SCAI: variants seen among roughly 807,000 people sequenced by gnomAD.
SCAI encodes the protein protein SCAI.
A neutral mutation model predicts 92.2 loss-of-function variants in SCAI; 24 were observed. That is an observed-to-expected ratio of 0.26 (90% CI 0.19 to 0.37). SCAI has a LOEUF of 0.37. SCAI is among the 10% of genes least tolerant of loss of function. The pLI is 1.00. For synonymous variants in SCAI, 261 were observed against 258.6 expected, an observed-to-expected ratio of 1.01 and a Z score of -0.09; for missense variants, 450 against 736.2, an observed-to-expected ratio of 0.61 and a Z score of 4.50.
intron 17 of SCAI, among the ~76,000 whole-genome samples, chr9:124,968,050 T>C (rs1831574087): frequency 1.3e-5 from 2 of 152,110 alleles, no homozygotes; most frequent in Admixed American, 6.6e-5. Flanking sequence ...TAAGACATTA[T>C]AAAAGATAAA....
chr9:125,014,593 A>G (rs982540622), intron 9 of SCAI, among the ~76,000 whole-genome samples: 1 of 152,242 alleles, frequency 6.6e-6, no homozygotes, highest in Non-Finnish European at 1.5e-5. Context: ...TAACATGAAA[A>G]TGGCCATACT....
At chr9:125,113,827 T>C (rs1005056671) in intron 2 of SCAI, among the ~76,000 whole-genome samples, 8 of 152,048 alleles carry the variant, frequency 5.3e-5, no homozygotes, top group African/African-American at 1.9e-4. Flanking sequence ...CCGGGCGTGG[T>C]GGTGCATGCC....
chr9:124,983,281 T>C (rs942752848), intron 14 of SCAI, among the ~76,000 whole-genome samples: 1 of 152,168 alleles, frequency 6.6e-6, no homozygotes, highest in Non-Finnish European at 1.5e-5. Flanking sequence ...CTACAGGTGC[T>C]AGAGATACAA....
At chr9:124,971,121 T>C in intron 17 of SCAI, 1 of 217,100 alleles carries the variant, frequency 4.6e-6, no homozygotes, top group Non-Finnish European at 8.9e-6. Context: ...AGCCAGAAAA[T>C]GTTCTACTTT....
chr9:124,993,486 A>G (rs1391199092), intron 14 of SCAI, among the ~76,000 whole-genome samples: 1 of 152,214 alleles, frequency 6.6e-6, no homozygotes, highest in Non-Finnish European at 1.5e-5. Flanking sequence ...ACTACTTGGG[A>G]GGCTAAGGCA....
At chr9:125,024,108 T>G (rs1002190958) in intron 6 of SCAI, among the ~76,000 whole-genome samples, 3 of 152,144 alleles carry the variant, frequency 2.0e-5, no homozygotes, top group Non-Finnish European at 4.4e-5. Flanking sequence ...CTTTCCTGCC[T>G]TCTATTGTAA....
At chr9:125,041,316 T>C (rs1489051684) in intron 3 of SCAI, among the ~76,000 whole-genome samples, 1 of 152,184 alleles carries the variant, frequency 6.6e-6, no homozygotes, top group Non-Finnish European at 1.5e-5. Flanking sequence ...CCTAATCAGA[T>C]GTTTTTAAAT....
At chr9:125,028,008 T>C (rs915617209) in intron 5 of SCAI, among the ~76,000 whole-genome samples, 10 of 152,062 alleles carry the variant, frequency 6.6e-5, no homozygotes, top group African/African-American at 2.4e-4. Flanking sequence ...CAAGTATGAG[T>C]TTTTTAAAGT....
At chr9:124,978,720 AGGAATG>A (rs1166553641) in intron 14 of SCAI, among the ~76,000 whole-genome samples, 3 of 152,230 alleles carry the variant, frequency 2.0e-5, no homozygotes, top group Non-Finnish European at 2.9e-5. Context: ...GTGATAGTGA[AGGAATG>A]GAAATAACAC....
chr9:124,980,049 CA>C (rs34760799), intron 14 of SCAI, among the ~76,000 whole-genome samples: 15,593 of 80,944 alleles, frequency 0.19, 880 homozygotes, highest in Middle Eastern at 0.26. Flanking sequence ...GACTCCGTCT[CA>C]AAAAAAAAAA....
chr9:124,980,476 G>A lies in SCAI; in HGVS notation c.1327-4290C>T, dbSNP rs967135408. Among the ~76,000 whole-genome samples the A allele has an allele frequency of 2.6e-4, 39 of 152,210 alleles. 1 individual carries two copies. The South Asian group carries it at 6.6e-3, about 26-fold the overall frequency. On this transcript the variant is annotated intron_variant, in intron 14 of 17. Transcript: ENST00000336505. ...TAGCAGAACTGATAAAGAGTGGCTC[G>A]CTGTCCCTAGAATGTGCAAACAAGA... is the stretch of plus-strand genomic sequence containing the variant.
chr9:124,986,663 C>T (rs1831997569), intron 14 of SCAI, among the ~76,000 whole-genome samples: 1 of 152,144 alleles, frequency 6.6e-6, no homozygotes, highest in Non-Finnish European at 1.5e-5. Flanking sequence ...TCCAACCTAC[C>T]ACCTCAGGAA....
At chr9:125,059,873 A>G (rs898336210) in intron 2 of SCAI, among the ~76,000 whole-genome samples, 2 of 152,198 alleles carry the variant, frequency 1.3e-5, no homozygotes, top group African/African-American at 4.8e-5. Flanking sequence ...GCCTCTGAAC[A>G]AATCCTACTC....
chr9:125,118,969 G>C (rs1835105841), intron 2 of SCAI, among the ~76,000 whole-genome samples: 1 of 152,130 alleles, frequency 6.6e-6, no homozygotes, highest in Admixed American at 6.6e-5. Flanking sequence ...ATTTGAACTG[G>C]TTCCATGTCT....
intron 2 of SCAI, among the ~76,000 whole-genome samples, chr9:125,141,271 ACT>A (rs1835659815): frequency 1.3e-5 from 2 of 152,190 alleles, no homozygotes; most frequent in Non-Finnish European, 2.9e-5. Context: ...TGACAAGGAA[ACT>A]CTGTTGGCAC....
chr9:125,131,793 T>G (rs1835406552), intron 2 of SCAI, among the ~76,000 whole-genome samples: 1 of 152,216 alleles, frequency 6.6e-6, no homozygotes, highest in Non-Finnish European at 1.5e-5. Context: ...AAACCTACCA[T>G]GAGCTCTGTA....
intron 2 of SCAI, among the ~76,000 whole-genome samples, chr9:125,129,269 C>G (rs966095963): frequency 6.6e-6 from 1 of 150,600 alleles, no homozygotes; most frequent in African/African-American, 2.4e-5. Context: ...GGTGAAACCC[C>G]GTCTCTACTA....
At position 124,963,757 on chromosome 9, in the gene SCAI, CAAAA is replaced by C. The variant is rs36017738; in HGVS notation, c.1674+7609_1674+7612del. On this transcript the variant is annotated intron_variant, in intron 17 of 17. Transcript: ENST00000336505. Reference sequence around the variant, plus strand: ...TGGGCAACAGAGTGAGAATCTGTCTCAAAAAAAAAAAAAAAAAAAAAAAAAGGAA... The same window carrying C: ...TGGGCAACAGAGTGAGAATCTGTCTCAAAAAAAAAAAAAAAAAAAAAGGAA... Among the ~76,000 whole-genome samples the C allele has an allele frequency of 1.5e-4, 8 of 52,286 alleles. No individual in the cohort carries two copies. The South Asian group carries it at 6.9e-3, about 45-fold the overall frequency. 34.3% of individuals were successfully genotyped at this position (52,286 alleles called of 152,430 possible).
intron 14 of SCAI, among the ~76,000 whole-genome samples, chr9:124,988,922 G>A (rs1406806800): frequency 1.3e-5 from 2 of 152,100 alleles, no homozygotes; most frequent in Middle Eastern, 3.4e-3. Context: ...GGTGGATCAC[G>A]AGGTCAGGAG....
Sources: gnomAD v4.1 joint callset for allele counts (sites outside exome capture counted in the v4.1 genomes callset) on GRCh38, gnomAD v4.1.1 for gene constraint, MANE v1.5 for transcripts, NCBI Gene and HGNC (gene_info 2026-07-23, HGNC 2026-07-21) for gene names.